Variants in CHST8 observed in about 807,000 individuals in gnomAD.
The protein encoded by CHST8 is carbohydrate sulfotransferase 8.
In CHST8, 10 loss-of-function variants were observed where a neutral mutation model predicts 15.0. The observed-to-expected ratio is 0.67, with a 90% CI of 0.41 to 1.13. The LOEUF is 1.13. Ranked by LOEUF, CHST8 falls within the 50% of genes most tolerant of loss-of-function variation. CHST8 has a pLI of 0.00. For missense variants in CHST8, 634 were observed against 608.2 expected (o/e 1.04, Z -0.45); for synonymous variants, 259 against 256.6 (o/e 1.01, Z -0.09).
At chr19:33,687,685 C>G (rs1357730835) in intron 2 of CHST8, among the ~76,000 whole-genome samples, 2 of 152,150 alleles carry the variant, frequency 1.3e-5, no homozygotes, top group African/African-American at 4.8e-5. Flanking sequence ...AAACCCAAAC[C>G]TGCAATTTAC....
At chr19:33,634,788 G>A (rs1264643986) in intron 1 of CHST8, among the ~76,000 whole-genome samples, 11 of 151,280 alleles carry the variant, frequency 7.3e-5, no homozygotes, top group Admixed American at 7.2e-4. Context: ...CTGGGTTGAA[G>A]GGTTTCCCAT....
intron 3 of CHST8, among the ~76,000 whole-genome samples, chr19:33,693,872 C>A (rs567841945): frequency 6.6e-6 from 1 of 151,546 alleles, no homozygotes; most frequent in African/African-American, 2.4e-5. Flanking sequence ...AGAGATCGTG[C>A]CTAGATCCAG....
Position 33,773,213 on chromosome 19 carries a change from G to A in CHST8, c.*150G>A. ...GTGGGAGGCAGCAGGCCCCGGGTGG[G>A]GGGCAGAGGCGCCCAGCCTTGGATG... On this transcript the variant is annotated 3_prime_UTR_variant, in exon 5 of 5. Coordinates refer to ENST00000650847, the MANE Select transcript of CHST8 (RefSeq NM_001127895.2). The A allele has an allele frequency of 1.1e-6, 1 of 911,668 alleles. No individual in the cohort carries two copies. The highest frequency in any genetic ancestry group is 1.6e-6 in the Non-Finnish European group (1 of 623,302). The allele number at this position is 911,668 out of a possible 1,614,324, so 56.5% of individuals were successfully genotyped here. A position where few individuals can be genotyped will look rare whatever the true frequency, so the allele number is the denominator to read the frequency against.
chr19:33,637,398 C>T lies in CHST8; in HGVS notation c.-164+15102C>T, dbSNP rs944560733. On this transcript the variant is annotated intron_variant, in intron 1 of 4. Transcript: ENST00000650847. Reference sequence around the variant, plus strand: ...GGTGTGAGATACCTAAAGAAAGGTTCGCTTTCTTTTTTTTTTTTTTTTGAG... The same window carrying T: ...GGTGTGAGATACCTAAAGAAAGGTTTGCTTTCTTTTTTTTTTTTTTTTGAG... Among the ~76,000 whole-genome samples the T allele has an allele frequency of 2.1e-4, 27 of 126,024 alleles. No individual in the cohort carries two copies. The Admixed American group carries it at 2.4e-3, about 11-fold the overall frequency. 82.7% of individuals were successfully genotyped at this position (126,024 alleles called of 152,430 possible). A position where few individuals can be genotyped will look rare whatever the true frequency, so the allele number is the denominator to read the frequency against.
At chr19:33,752,862 G>T (rs562458649) in intron 3 of CHST8, among the ~76,000 whole-genome samples, 1 of 152,312 alleles carries the variant, frequency 6.6e-6, no homozygotes, top group South Asian at 2.1e-4. Context: ...AATTAGAAAG[G>T]TTTCAGAATT....
At chr19:33,738,260 A>C (rs1430292884) in intron 3 of CHST8, among the ~76,000 whole-genome samples, 1 of 152,198 alleles carries the variant, frequency 6.6e-6, no homozygotes, top group Non-Finnish European at 1.5e-5. Context: ...AAAATTTTGC[A>C]GCATTTGACC....
chr19:33,648,358 A>G (rs4805049), intron 1 of CHST8, among the ~76,000 whole-genome samples: 74,417 of 145,886 alleles, frequency 0.51, 20,289 homozygotes, highest in Admixed American at 0.64. Context: ...ATCACTCCAG[A>G]AAGAAACCCT....
intron 1 of CHST8, among the ~76,000 whole-genome samples, chr19:33,639,132 C>T (rs982091807): frequency 5.5e-5 from 8 of 146,404 alleles, no homozygotes; most frequent in Non-Finnish European, 1.0e-4. Context: ...TATGCGATTA[C>T]GTTCATCAGC....
At chr19:33,746,624 G>GA (rs1290158503) in intron 3 of CHST8, among the ~76,000 whole-genome samples, 1 of 152,210 alleles carries the variant, frequency 6.6e-6, no homozygotes, top group Non-Finnish European at 1.5e-5. Context: ...TGAGTTTCCT[G>GA]ACACAGCATA....
intron 1 of CHST8, among the ~76,000 whole-genome samples, chr19:33,657,425 C>T (rs575297112): frequency 2.0e-5 from 3 of 150,482 alleles, no homozygotes; most frequent in East Asian, 2.0e-4. Flanking sequence ...CACACCACCA[C>T]GCCTGCCTAA....
chr19:33,757,537 A>G (rs1425255908), intron 3 of CHST8, among the ~76,000 whole-genome samples: 3 of 78,118 alleles, frequency 3.8e-5, no homozygotes, highest in African/African-American at 5.6e-5. Context: ...AGAAAGAAAG[A>G]AAGAAAGAAA....
At chr19:33,710,255 T>C (rs992690014) in intron 3 of CHST8, among the ~76,000 whole-genome samples, 20 of 152,242 alleles carry the variant, frequency 1.3e-4, no homozygotes, top group Non-Finnish European at 2.2e-4. Flanking sequence ...TAAAGGTTTG[T>C]CAATTTTGTT....
At chr19:33,750,842 TCTCCA>T (rs1974403548) in intron 3 of CHST8, among the ~76,000 whole-genome samples, 2 of 151,540 alleles carry the variant, frequency 1.3e-5, no homozygotes, top group African/African-American at 4.9e-5. Context: ...AGACCGAGCC[TCTCCA>T]GGCTCGGTCC....
In CHST8 at chr19:33,666,882, T is replaced by C. The variant is rs538520037; in HGVS notation, c.-163-885T>C. The stretch of plus-strand genomic sequence containing the variant: ...CATGCCTGGCTAATTTTAGTATTTT[T>C]AGTAGAGACCAGTTTCATTATGTTG... On this transcript the variant is annotated intron_variant, in intron 1 of 4. Transcript: ENST00000650847. Among the ~76,000 whole-genome samples the C allele has an allele frequency of 7.5e-4, 114 of 152,224 alleles. 1 individual carries two copies. The Middle Eastern group carries it at 0.01, about 14-fold the overall frequency.
At chr19:33,757,964 C>A (rs986810122) in intron 3 of CHST8, among the ~76,000 whole-genome samples, 5 of 152,200 alleles carry the variant, frequency 3.3e-5, no homozygotes, top group Non-Finnish European at 7.3e-5. Flanking sequence ...AGCTTCAAGG[C>A]CCTGCCCTGG....
chr19:33,742,693 C>T (rs965897185), intron 3 of CHST8, among the ~76,000 whole-genome samples: 1 of 152,172 alleles, frequency 6.6e-6, no homozygotes, highest in Non-Finnish European at 1.5e-5. Flanking sequence ...CTGATCACCC[C>T]TCCTTGATTT....
At chr19:33,681,562 T>C (rs1350718069) in intron 2 of CHST8, among the ~76,000 whole-genome samples, 2 of 152,022 alleles carry the variant, frequency 1.3e-5, no homozygotes, top group African/African-American at 4.8e-5. Context: ...GGGTGAGGGG[T>C]GCCCTTGACT....
At chr19:33,759,329 A>G (rs1974669587) in intron 3 of CHST8, among the ~76,000 whole-genome samples, 1 of 152,262 alleles carries the variant, frequency 6.6e-6, no homozygotes, top group Non-Finnish European at 1.5e-5. Flanking sequence ...GCCTTCCTGC[A>G]GAGCTGGCTG....
At position 33,757,450 on chromosome 19, in the gene CHST8, G is replaced by T. The variant is rs1186297408; in HGVS notation, c.131-13963G>T. Among the ~76,000 whole-genome samples, 81 of 31,018 alleles carry T rather than the reference G, an allele frequency of 2.6e-3. 8 individuals carry two copies. The highest frequency in any genetic ancestry group is 6.8e-3 in the South Asian group (6 of 888). The allele number at this position is 31,018 out of a possible 152,430, so 20.3% of individuals were successfully genotyped here. A position where few individuals can be genotyped will look rare whatever the true frequency, so the allele number is the denominator to read the frequency against. On this transcript the variant is annotated intron_variant, in intron 3 of 4. Coordinates refer to ENST00000650847, the MANE Select transcript of CHST8 (RefSeq NM_001127895.2). ...AGAAAGAAAGAAAGAAAGAAAGAAAGAAAGAAAGAAAGAAAGAAAGAAAGA... is the reference window on the plus strand; with the variant it reads ...AGAAAGAAAGAAAGAAAGAAAGAAATAAAGAAAGAAAGAAAGAAAGAAAGA...
Sources: allele counts gnomAD v4.1 joint callset (sites outside exome capture counted in the v4.1 genomes callset), GRCh38; gene constraint gnomAD v4.1.1; transcripts MANE v1.5; gene names NCBI Gene and HGNC (gene_info 2026-07-23, HGNC 2026-07-21).